GFY: variants seen among roughly 807,000 people sequenced by gnomAD.
The protein encoded by GFY is Golgi-associated olfactory signaling regulator.
Under a neutral mutation model 29.1 loss-of-function variants are expected in GFY, and 28 were observed. The observed-to-expected ratio is 0.96, with a 90% CI of 0.71 to 1.32. The LOEUF is 1.32. Ranked by LOEUF, GFY falls within the 40% of genes most tolerant of loss-of-function variation. The pLI is 0.00. For synonymous variants in GFY, 277 were observed against 274.5 expected (o/e 1.01, Z -0.09); for missense variants, 656 against 661.9 (o/e 0.99, Z 0.10).
Position 49,428,966 on chromosome 19 carries a change from G to T in GFY, c.*148G>T, listed in dbSNP as rs1037537199. ...TGATCAGAGAACAAGGTCTGAGACC[G>T]AATAAATATCATGTTCCCATGGCTA... On this transcript the variant is annotated 3_prime_UTR_variant, in exon 4 of 4. Coordinates refer to ENST00000610896, the MANE Select transcript of GFY (RefSeq NM_001195256.2). The T allele has an allele frequency of 4.1e-5, 23 of 557,584 alleles. No homozygotes were observed. In the African/African-American group the frequency reaches 4.5e-4, roughly 11 times the overall value. The allele number at this position is 557,584 out of a possible 1,614,324, so 34.5% of individuals were successfully genotyped here.
At position 49,426,720 on chromosome 19, in the gene GFY, C is replaced by T; in HGVS notation, c.290C>T (p.Pro97Leu). The change falls in exon 2 of 4, where the codon CCG becomes CTG. Residue 97 changes from proline (P) to leucine (L), a missense_variant. Transcript: ENST00000610896. ...EPLNPDLRET[P>L]HPESPETPKA... is the part of the protein sequence containing the mutation. ...CTCAACCCTGACCTCCGAGAAACCCCGCACCCAGAGTCTCCTGAGACCCCC... is the reference window on the plus strand; with the variant it reads ...CTCAACCCTGACCTCCGAGAAACCCTGCACCCAGAGTCTCCTGAGACCCCC... The T allele has an allele frequency of 1.3e-6, 2 of 1,536,046 alleles. No individual in the cohort carries two copies. The highest frequency in any genetic ancestry group is 1.7e-6 in the Non-Finnish European group (2 of 1,146,866).
rs1410574846 is a variant in GFY at position 49,428,023 on chromosome 19, A to G, written c.1261A>G (p.Ile421Val). 6 of 1,535,874 alleles carry G rather than the reference A, an allele frequency of 3.9e-6. No individual in the cohort carries two copies. In the African/African-American group the frequency reaches 5.5e-5, roughly 14 times the overall value. The change falls in exon 3 of 4, where the codon ATC becomes GTC. Residue 421 changes from isoleucine to valine, a missense_variant. Coordinates refer to ENST00000610896, the MANE Select transcript of GFY (RefSeq NM_001195256.2). ...GTTCTTCGCGGGGACCGCGCTGCTG[A>G]TCGGCATCTTTGTGCTGCTGTGGTG... The part of the protein sequence containing the change: ...CLFFAGTALL[I>V]GIFVLLWCLY...
At position 49,427,425 on chromosome 19, in the gene GFY, T is replaced by C. The variant is rs1374409177; in HGVS notation, c.995T>C (p.Leu332Pro). 2.6e-6 allele frequency: 4 copies of C among 1,535,748 alleles called. No individual in the cohort carries two copies. Among genetic ancestry groups the C allele is most frequent in the Non-Finnish European group, 3.5e-6 (4 of 1,146,676 alleles). ...TCAGATTCTCCAGGAATGGTTGAGC[T>C]GAAGGCCCCCCAGAACTCTGGCCCT... The part of the protein sequence containing the change: ...PTSDSPGMVE[L>P]KAPQNSGPKE... Residue 332 changes from leucine to proline, a missense_variant, in exon 2 of 4, where the codon CTG becomes CCG. By Grantham distance (98) the Leu-to-Pro change is moderately conservative. Transcript: ENST00000610896.
chr19:49,427,156 C>G lies in GFY; in HGVS notation c.726C>G (p.His242Gln), dbSNP rs1975084184. The change falls in exon 2 of 4, where the codon CAC becomes CAG. Residue 242 changes from histidine (H) to glutamine (Q), a missense_variant. Physicochemically the swap from His to Gln is conservative, Grantham distance 24. Transcript: ENST00000610896. ...ALHPDPSKTP[H>Q]PESHVTHNPS... Reference sequence around the variant, plus strand: ...ATCCTGACCCTTCTAAAACCCCCCACCCAGAATCCCATGTGACCCACAATC... The same window carrying G: ...ATCCTGACCCTTCTAAAACCCCCCAGCCAGAATCCCATGTGACCCACAATC... 6.5e-7 allele frequency: 1 copy of G among 1,535,906 alleles called. No individual in the cohort carries two copies. The highest frequency in any genetic ancestry group is 8.7e-7 in the Non-Finnish European group (1 of 1,146,912).
At position 49,428,908 on chromosome 19, in the gene GFY, T is replaced by C; in HGVS notation, c.*90T>C. ...TGCTTAGCTAGAGTAGTGCCCCGGA[T>C]AAAGGGTCTAATATACAGAGATGCT... On this transcript the variant is annotated 3_prime_UTR_variant, in exon 4 of 4. Transcript: ENST00000610896. The C allele has an allele frequency of 1.2e-6, 1 of 857,164 alleles. No homozygotes were observed. The highest frequency in any genetic ancestry group is 1.7e-6 in the Non-Finnish European group (1 of 588,554). The allele number at this position is 857,164 out of a possible 1,614,324, so 53.1% of individuals were successfully genotyped here. A position where few individuals can be genotyped will look rare whatever the true frequency, so the allele number is the denominator to read the frequency against.
At chr19:49,428,238 C>T in intron 3 of GFY, 119 bp downstream of exon 3, 2 of 1,237,910 alleles carry the variant, frequency 1.6e-6, no homozygotes, top group Admixed American at 2.5e-5. Flanking sequence ...AGCCCTGGCT[C>T]TTCCATGGCA....
In GFY at chr19:49,428,687, TCC is replaced by T. The variant is rs1462705004; in HGVS notation, c.1428_1429del (p.Ile478ArgfsTer55). Reference protein sequence around the residue: ...YFYAPDTWVPSHIATKQPPPT... With the variant: ...YFYAPDTWVPXHIATKQPPPT... ...TTATGCTCCGGATACCTGGGTCCCTTCCCACATCGCCACCAAGCAGCCCCCGC... is the reference window on the plus strand; with the variant it reads ...TTATGCTCCGGATACCTGGGTCCCTTCACATCGCCACCAAGCAGCCCCCGC... On this transcript the variant is annotated frameshift_variant, in exon 4 of 4. Coordinates refer to ENST00000610896, the MANE Select transcript of GFY (RefSeq NM_001195256.2). LOFTEE classifies it high-confidence loss of function. 2.1e-5 allele frequency: 32 copies of T among 1,530,860 alleles called. No individual in the cohort carries two copies. In the Admixed American group the frequency reaches 5.9e-4, roughly 28 times the overall value. The allele number at this position is 1,530,860 out of a possible 1,614,324, so 94.8% of individuals were successfully genotyped here.
chr19:49,426,558 C>T lies in GFY; in HGVS notation c.128C>T (p.Ser43Phe). ...GACATGGCCCACCCCTCTGAGACTT[C>T]CCCTCTGAAGGGTGCTTCTGAAAAT... ...FPDMAHPSET[S>F]PLKGASENSK... Residue 43 changes from serine (S) to phenylalanine (F), a missense_variant, in exon 2 of 4, where the codon TCC (serine) becomes TTC (phenylalanine). Physicochemically the swap from Ser to Phe is radical, Grantham distance 155 (BLOSUM62 -2). Transcript: ENST00000610896. 1 of 1,536,118 alleles carries T rather than the reference C, an allele frequency of 6.5e-7. No individual in the cohort carries two copies. The highest frequency in any genetic ancestry group is 8.7e-7 in the Non-Finnish European group (1 of 1,146,896).
At chr19:49,428,382 G>T (rs903775452) in intron 3 of GFY, among the ~76,000 whole-genome samples, 1 of 150,334 alleles carries the variant, frequency 6.7e-6, no homozygotes, top group African/African-American at 2.4e-5. Context: ...TACGCGGCCC[G>T]GAGCCCTGTA....
At chr19:49,428,486 A>C (rs1207581161) in intron 3 of GFY, 133 bp from the exon 4 acceptor site, 1 of 667,644 alleles carries the variant, frequency 1.5e-6, no homozygotes, top group East Asian at 3.1e-5. Flanking sequence ...TTGAAAACTC[A>C]GTTCAAATGC....
At chr19:49,427,702 G>T (rs368240955) in intron 2 of GFY, 89 bp downstream of exon 2, 9 of 1,391,648 alleles carry the variant, frequency 6.5e-6, no homozygotes, top group East Asian at 5.0e-5. Flanking sequence ...TGGGGGCCTG[G>T]ACTCCTGGGT....
rs117785585 is a variant in GFY at position 49,427,095 on chromosome 19, C to A, written c.665C>A (p.Thr222Asn). 0.012 allele frequency: 18,923 copies of A among 1,535,828 alleles called. 136 individuals are homozygous for A. The highest frequency in any genetic ancestry group is 0.015 in the Non-Finnish European group (17,143 of 1,146,842). Residue 222 changes from threonine (T) to asparagine (N), a missense_variant, in exon 2 of 4, where the codon ACT becomes AAT. Thr to Asn is a moderately conservative substitution (Grantham distance 65). Coordinates refer to ENST00000610896, the MANE Select transcript of GFY (RefSeq NM_001195256.2). The stretch of plus-strand genomic sequence containing the variant: ...CCAGAAAAGCATGACCTCAACTCCA[C>A]TGAGACCCCAAACTCTGAATTTCTC... ...KSPEKHDLNS[T>N]ETPNSEFLQA...
At chr19:49,427,802 C>G in intron 2 of GFY, 144 bp from the exon 3 acceptor site, 1 of 1,124,600 alleles carries the variant, frequency 8.9e-7, no homozygotes, top group East Asian at 2.6e-5. Flanking sequence ...GGAGGACCGG[C>G]TGGGGTCTGG....
In GFY at chr19:49,427,622, C is replaced by A; in HGVS notation, c.1183+9C>A. On this transcript the variant is annotated intron_variant, in intron 2 of 3. Transcript: ENST00000610896. ...GCGAGTGAAGGAGACCGGTGAGGGGCAGGAGCCGGACTCCTGAGTCTGAGG... is the reference window on the plus strand; with the variant it reads ...GCGAGTGAAGGAGACCGGTGAGGGGAAGGAGCCGGACTCCTGAGTCTGAGG... 1 of 1,434,016 alleles carries A rather than the reference C, an allele frequency of 7.0e-7. No individual in the cohort carries two copies. The highest frequency in any genetic ancestry group is 1.5e-5 in the African/African-American group (1 of 67,784). 88.8% of individuals were successfully genotyped at this position (1,434,016 alleles called of 1,614,324 possible). A position where few individuals can be genotyped will look rare whatever the true frequency, so the allele number is the denominator to read the frequency against.
At chr19:49,427,920 C>G in intron 2 of GFY, 26 bp from the exon 3 acceptor site, 4 of 1,521,486 alleles carry the variant, frequency 2.6e-6, no homozygotes, top group Non-Finnish European at 3.5e-6. Context: ...GGGTTAGGAG[C>G]TTAGATTGCT....
At chr19:49,425,283 C>G (rs1362774186), upstream of GFY, among the ~76,000 whole-genome samples, 4 of 152,022 alleles carry the variant, frequency 2.6e-5, no homozygotes, top group African/African-American at 9.7e-5. Context: ...CCTTCCCCAC[C>G]CCAGAGAAAA....
chr19:49,424,158 T>A (rs139472615), upstream of GFY: 879 of 152,342 alleles, frequency 5.8e-3, 4 homozygotes, highest in Middle Eastern at 0.017. Flanking sequence ...GCCCTAAGGA[T>A]GTGTCTAAGC....
At position 49,427,962 on chromosome 19, in the gene GFY, G is replaced by A; in HGVS notation, c.1200G>A (p.Gly400=). The change falls in exon 3 of 4, where the codon GGG becomes GGA. Residue 400 remains glycine (G), a synonymous_variant. Coordinates refer to ENST00000610896, the MANE Select transcript of GFY (RefSeq NM_001195256.2). The part of the protein sequence containing the change: ...RVKETGVTLV[G]RPRGAAGGAL... Reference sequence around the variant, plus strand: ...CCCCTTCAGGCGTGACTCTGGTGGGGCGACCACGTGGCGCAGCAGGCGGGG... The same window carrying A: ...CCCCTTCAGGCGTGACTCTGGTGGGACGACCACGTGGCGCAGCAGGCGGGG... 1 of 1,534,684 alleles carries A rather than the reference G, an allele frequency of 6.5e-7. No individual in the cohort carries two copies. Among genetic ancestry groups the A allele is most frequent in the Non-Finnish European group, 8.7e-7 (1 of 1,145,818 alleles).
At position 49,426,752 on chromosome 19, in the gene GFY, G is replaced by A; in HGVS notation, c.322G>A (p.Asp108Asn). 1 of 1,533,402 alleles carries A rather than the reference G, an allele frequency of 6.5e-7. No homozygotes were observed. Among genetic ancestry groups the A allele is most frequent in the Non-Finnish European group, 8.7e-7 (1 of 1,146,338 alleles). The allele number at this position is 1,533,402 out of a possible 1,614,324, so 95.0% of individuals were successfully genotyped here. A position where few individuals can be genotyped will look rare whatever the true frequency, so the allele number is the denominator to read the frequency against. The change falls in exon 2 of 4, where the codon GAC (aspartate) becomes AAC (asparagine). Residue 108 changes from aspartate (D) to asparagine (N), a missense_variant. Coordinates refer to ENST00000610896, the MANE Select transcript of GFY (RefSeq NM_001195256.2). ...HPESPETPKA[D>N]SLTTSISESL... ...AGAGTCTCCTGAGACCCCCAAAGCTGACTCACTCACAACCTCAATATCAGA... is the reference window on the plus strand; with the variant it reads ...AGAGTCTCCTGAGACCCCCAAAGCTAACTCACTCACAACCTCAATATCAGA...
Sources: allele counts gnomAD v4.1 joint callset (sites outside exome capture counted in the v4.1 genomes callset), GRCh38; gene constraint gnomAD v4.1.1; transcripts MANE v1.5; gene names NCBI Gene and HGNC (gene_info 2026-07-23, HGNC 2026-07-21).